Variants in N4BP2L2 observed in about 807,000 individuals in gnomAD.
N4BP2L2 encodes NEDD4-binding protein 2-like 2.
A neutral mutation model predicts 56.2 loss-of-function variants in N4BP2L2; 50 were observed. The observed-to-expected ratio is 0.89, with a 90% CI of 0.71 to 1.13. The LOEUF is 1.13. Among genes scored for constraint, N4BP2L2 ranks in the 50% most tolerant of loss-of-function variants. N4BP2L2 has a pLI of 0.00. For synonymous variants in N4BP2L2, 203 were observed against 223.6 expected (o/e 0.91, Z 0.82); for missense variants, 689 against 693.8 (o/e 0.99, Z 0.08).
At chr13:32,516,654 G>A (rs567878289) in exon 6 of N4BP2L2, 1 of 153,924 alleles carries the variant, frequency 6.5e-6, no homozygotes, top group South Asian at 2.1e-4. Context: ...GAATCATAAT[G>A]CTTAATTTTT....
chr13:32,463,203 G>A (rs895504131), intron 6 of N4BP2L2, among the ~76,000 whole-genome samples: 1 of 152,134 alleles, frequency 6.6e-6, no homozygotes, highest in African/African-American at 2.4e-5. Context: ...TCTACAGCAG[G>A]CTTGAGCAGG....
At chr13:32,503,873 C>A (rs929570753) in intron 6 of N4BP2L2, among the ~76,000 whole-genome samples, 8 of 151,902 alleles carry the variant, frequency 5.3e-5, no homozygotes, top group Non-Finnish European at 1.2e-4. Flanking sequence ...CAGTGAGATC[C>A]CAGCTCTAAA....
chr13:32,447,096 C>G (rs1433546622), intron 6 of N4BP2L2, among the ~76,000 whole-genome samples: 1 of 152,210 alleles, frequency 6.6e-6, no homozygotes, highest in Non-Finnish European at 1.5e-5. Context: ...CAAACCCTCA[C>G]ATGTGCATAA....
downstream of N4BP2L2, chr13:32,505,804 T>C (rs996886289): frequency 2.6e-5 from 4 of 152,036 alleles, no homozygotes; most frequent in South Asian, 2.1e-4. Flanking sequence ...ACCTCTAAGA[T>C]GACAGAAGCT....
At chr13:32,477,200 G>A in intron 6 of N4BP2L2, 2 of 454,516 alleles carry the variant, frequency 4.4e-6, no homozygotes, top group Admixed American at 5.4e-5. Context: ...GTCAGAAGGT[G>A]GAGGAGAGGA....
At chr13:32,449,170 C>G (rs2077473924) in intron 6 of N4BP2L2, among the ~76,000 whole-genome samples, 1 of 152,192 alleles carries the variant, frequency 6.6e-6, no homozygotes, top group Non-Finnish European at 1.5e-5. Context: ...TAACTGCACC[C>G]TTTTGCTGTC....
chr13:32,436,864 CTATTTATTTATT>C (rs71071041), intron 8 of N4BP2L2, among the ~76,000 whole-genome samples: 8 of 132,866 alleles, frequency 6.0e-5, no homozygotes, highest in African/African-American at 1.1e-4. Context: ...TAATATCTAT[CTATTTATTTATT>C]TATTTATTTA....
rs145948580 is a variant in N4BP2L2 at position 32,533,925 on chromosome 13, G to A, written c.1259+1844C>T. On this transcript the variant is annotated intron_variant, in intron 2 of 5. Transcript: ENST00000267068. ...CACTCAAAACGTGTTGACCTAAAGA[G>A]GTACAGACCAGGATCCTTGAAGTCA... 4.2e-3 allele frequency among the ~76,000 whole-genome samples: 641 copies of A among 152,250 alleles called. 14 individuals carry two copies. Among genetic ancestry groups the A allele is most frequent in the Non-Finnish European group, 7.2e-4 (49 of 68,010 alleles).
chr13:32,476,341 GC>G (rs941863732), intron 6 of N4BP2L2, among the ~76,000 whole-genome samples: 20 of 152,284 alleles, frequency 1.3e-4, no homozygotes, highest in African/African-American at 4.8e-4. Flanking sequence ...TGGCTTCTTT[GC>G]TTTTGTCTAA....
downstream of N4BP2L2, chr13:32,506,637 G>A (rs1379090340): frequency 6.6e-6 from 1 of 152,136 alleles, no homozygotes; most frequent in Non-Finnish European, 1.5e-5. Context: ...AGCTTGCTAT[G>A]TCCAAGAAAA....
intron 6 of N4BP2L2, among the ~76,000 whole-genome samples, chr13:32,465,135 T>C (rs2080995180): frequency 6.6e-6 from 1 of 151,978 alleles, no homozygotes; most frequent in Non-Finnish European, 1.5e-5. Context: ...CCCAGCTAAT[T>C]TTTGTATTTT....
chr13:32,516,088 G>A (rs2049151568), exon 6 of N4BP2L2: 1 of 152,154 alleles, frequency 6.6e-6, no homozygotes, highest in South Asian at 2.1e-4. Context: ...AAGACAGACA[G>A]AAAGAAAGGG....
intron 6 of N4BP2L2, among the ~76,000 whole-genome samples, chr13:32,465,557 A>G (rs1395274613): frequency 6.6e-6 from 1 of 152,256 alleles, no homozygotes; most frequent in Non-Finnish European, 1.5e-5. Context: ...GTTTCACAAA[A>G]CAATATTTTC....
At chr13:32,445,353 G>C (rs938246169) in intron 6 of N4BP2L2, among the ~76,000 whole-genome samples, 5 of 152,186 alleles carry the variant, frequency 3.3e-5, no homozygotes, top group African/African-American at 1.2e-4. Context: ...TCATATATAT[G>C]TTCTGTTGTT....
At chr13:32,453,888 T>A (rs1211587569) in intron 6 of N4BP2L2, among the ~76,000 whole-genome samples, 1 of 152,168 alleles carries the variant, frequency 6.6e-6, no homozygotes, top group Non-Finnish European at 1.5e-5. Context: ...CTACCCAGTG[T>A]AGGGGGCATT....
At chr13:32,532,255 AC>A (rs1344467057) in intron 2 of N4BP2L2, among the ~76,000 whole-genome samples, 1 of 152,240 alleles carries the variant, frequency 6.6e-6, no homozygotes, top group Non-Finnish European at 1.5e-5. Flanking sequence ...GATGATAACA[AC>A]AAAAAACTAA....
intron 6 of N4BP2L2, among the ~76,000 whole-genome samples, chr13:32,489,822 T>C (rs2086671658): frequency 6.6e-6 from 1 of 150,978 alleles, no homozygotes; most frequent in African/African-American, 2.4e-5. Context: ...ACACAATACA[T>C]TGGCAACATT....
chr13:32,531,918 A>C (rs2054923872), intron 2 of N4BP2L2, among the ~76,000 whole-genome samples: 1 of 152,156 alleles, frequency 6.6e-6, no homozygotes, highest in Non-Finnish European at 1.5e-5. Flanking sequence ...TCTAAAGGTT[A>C]GCTGCACACC....
chr13:32,536,011 G>A, exon 2 of N4BP2L2: 1 of 1,613,902 alleles, frequency 6.2e-7, no homozygotes, highest in Non-Finnish European at 8.5e-7. Flanking sequence ...TCTCACTACA[G>A]TCAGTATATT....
Sources: allele counts gnomAD v4.1 joint callset (sites outside exome capture counted in the v4.1 genomes callset), GRCh38; gene constraint gnomAD v4.1.1; transcripts MANE v1.5; gene names NCBI Gene and HGNC (gene_info 2026-07-23, HGNC 2026-07-21).